The following IFT88 variants were observed in gnomAD, a reference collection of about 807,000 sequenced individuals.
IFT88 encodes intraflagellar transport protein 88 homolog.
Under a neutral mutation model 119.5 loss-of-function variants are expected in IFT88, and 74 were observed. The ratio of observed to expected loss-of-function variants is 0.62; its 90% confidence interval spans 0.51 to 0.75. The LOEUF is 0.75. IFT88 is among the 30% of genes least tolerant of loss of function. The pLI, the probability that IFT88 is intolerant of heterozygous loss-of-function variation, is 0.00. For missense variants in IFT88, 961 were observed against 977.7 expected (o/e 0.98, Z 0.23); for synonymous variants, 279 against 316.7 (o/e 0.88, Z 1.26).
At chr13:20,674,535 G>C (rs556833592) in intron 24 of IFT88, among the ~76,000 whole-genome samples, 1 of 151,620 alleles carries the variant, frequency 6.6e-6, no homozygotes, top group African/African-American at 2.4e-5. Flanking sequence ...TTTTTAGTTT[G>C]ATTTTTATGT....
chr13:20,601,006 G>A (rs1372404498), intron 11 of IFT88, among the ~76,000 whole-genome samples: 1 of 152,178 alleles, frequency 6.6e-6, no homozygotes, highest in Non-Finnish European at 1.5e-5. Flanking sequence ...AAAGAAGCAA[G>A]ACAAAATATC....
At chr13:20,568,318 T>C (rs757880245) in intron 1 of IFT88, among the ~76,000 whole-genome samples, 1 of 152,216 alleles carries the variant, frequency 6.6e-6, no homozygotes, top group Non-Finnish European at 1.5e-5. Flanking sequence ...AAACCCTGGG[T>C]TGTATAACAA....
chr13:20,688,437 A>G (rs569088196), intron 24 of IFT88, among the ~76,000 whole-genome samples: 1 of 152,320 alleles, frequency 6.6e-6, no homozygotes, highest in African/African-American at 2.4e-5. Flanking sequence ...ATTCCTAACC[A>G]TAAGTAAGCC....
chr13:20,617,072 T>G (rs1430423979), intron 14 of IFT88, among the ~76,000 whole-genome samples: 1 of 152,128 alleles, frequency 6.6e-6, no homozygotes, highest in Non-Finnish European at 1.5e-5. Context: ...GCCTCCCAAG[T>G]AGCTGGGACT....
chr13:20,603,645 C>T (rs1223907714), intron 12 of IFT88, among the ~76,000 whole-genome samples: 1 of 152,152 alleles, frequency 6.6e-6, no homozygotes, highest in African/African-American at 2.4e-5. Context: ...CCTGTAATCC[C>T]AGCACTTTGG....
intron 3 of IFT88, 125 bp downstream of exon 3, chr13:20,583,144 G>T: frequency 5.3e-6 from 3 of 568,008 alleles, no homozygotes; most frequent in Admixed American, 3.0e-5. Flanking sequence ...AAGTTTAGAT[G>T]GTAGTGAAAC....
At chr13:20,568,161 A>G (rs2035330238) in intron 1 of IFT88, among the ~76,000 whole-genome samples, 1 of 152,160 alleles carries the variant, frequency 6.6e-6, no homozygotes, top group Admixed American at 6.5e-5. Context: ...AAGAGTATTA[A>G]AAAACATACC....
intron 14 of IFT88, among the ~76,000 whole-genome samples, chr13:20,618,861 CTTT>C (rs34629198): frequency 3.9e-5 from 5 of 128,610 alleles, no homozygotes; most frequent in Admixed American, 1.6e-4. Flanking sequence ...TTTTTTTTCC[CTTT>C]TTTTTTTTTG....
intron 1 of IFT88, among the ~76,000 whole-genome samples, 170 bp downstream of exon 1, chr13:20,567,426 C>T (rs889112674): frequency 2.0e-5 from 3 of 152,238 alleles, no homozygotes; most frequent in African/African-American, 7.2e-5. Context: ...CCTGCCCCTG[C>T]TTTTCTTCCT....
At chr13:20,621,598 T>A (rs904494267) in intron 14 of IFT88, among the ~76,000 whole-genome samples, 7 of 151,746 alleles carry the variant, frequency 4.6e-5, no homozygotes, top group Non-Finnish European at 8.8e-5. Context: ...ACTTTTTTTT[T>A]AGAACAGTTT....
intron 3 of IFT88, among the ~76,000 whole-genome samples, chr13:20,588,061 T>C (rs2040027415): frequency 6.6e-6 from 1 of 151,794 alleles, no homozygotes; most frequent in Non-Finnish European, 1.5e-5. Context: ...TCTTTTTTGC[T>C]TGTTTTTTAT....
chr13:20,674,990 G>A (rs978768047), intron 24 of IFT88, among the ~76,000 whole-genome samples: 1 of 151,924 alleles, frequency 6.6e-6, no homozygotes, highest in African/African-American at 2.4e-5. Flanking sequence ...TGGGATTACA[G>A]GCTTGAGCCA....
chr13:20,620,605 C>T (rs913045558), intron 14 of IFT88, among the ~76,000 whole-genome samples: 21 of 152,090 alleles, frequency 1.4e-4, no homozygotes, highest in Non-Finnish European at 2.5e-4. Context: ...CTTACTCTGT[C>T]GCCAGGCTGG....
intron 1 of IFT88, among the ~76,000 whole-genome samples, chr13:20,569,999 A>T (rs569486969): frequency 6.6e-6 from 1 of 151,686 alleles, no homozygotes; most frequent in African/African-American, 2.4e-5. Context: ...GAGCCGCGCC[A>T]CTGCCCTCTA....
At chr13:20,579,875 C>T (rs1001127065) in intron 2 of IFT88, among the ~76,000 whole-genome samples, 1 of 152,176 alleles carries the variant, frequency 6.6e-6, no homozygotes, top group African/African-American at 2.4e-5. Flanking sequence ...GTGACGAATC[C>T]TGCCATGGCT....
chr13:20,681,593 C>T (rs1315315449), intron 24 of IFT88, among the ~76,000 whole-genome samples: 1 of 152,200 alleles, frequency 6.6e-6, no homozygotes. Flanking sequence ...CATTTGATTC[C>T]TTGGAGTCAA....
chr13:20,578,673 C>G (rs1192767696), intron 2 of IFT88, among the ~76,000 whole-genome samples: 1 of 152,060 alleles, frequency 6.6e-6, no homozygotes, highest in Non-Finnish European at 1.5e-5. Context: ...CCTCAGCCTC[C>G]CAAGTAGCTG....
chr13:20,602,702 G>A (rs759863146), intron 12 of IFT88, among the ~76,000 whole-genome samples: 22 of 152,068 alleles, frequency 1.4e-4, no homozygotes, highest in Non-Finnish European at 1.3e-4. Context: ...GACCAACAGG[G>A]CGAAATGCTG....
intron 24 of IFT88, among the ~76,000 whole-genome samples, chr13:20,690,484 A>G (rs551780990): frequency 2.6e-5 from 4 of 152,228 alleles, no homozygotes; most frequent in Non-Finnish European, 5.9e-5. Flanking sequence ...GAAAGAATAC[A>G]TATACAGACT....
Sources: gnomAD v4.1 joint callset for allele counts (sites outside exome capture counted in the v4.1 genomes callset) on GRCh38, gnomAD v4.1.1 for gene constraint, MANE v1.5 for transcripts, NCBI Gene and HGNC (gene_info 2026-07-23, HGNC 2026-07-21) for gene names.